CAMTA1: variants seen among roughly 807,000 people sequenced by gnomAD.
The protein encoded by CAMTA1 is calmodulin-binding transcription activator 1.
In CAMTA1, 27 loss-of-function variants were observed where a neutral mutation model predicts 170.9. The observed-to-expected ratio is 0.16, with a 90% CI of 0.12 to 0.22. The LOEUF (loss-of-function observed/expected upper bound fraction) is 0.22, where lower values mean the gene tolerates loss of function less well. Ranked by LOEUF, CAMTA1 falls within the 10% of genes least tolerant of loss-of-function variation. CAMTA1 has a pLI of 1.00. For synonymous variants in CAMTA1, 833 were observed against 891.5 expected, an observed-to-expected ratio of 0.93 and a Z score of 1.17; for missense variants, 1,619 against 2,217.2, an observed-to-expected ratio of 0.73 and a Z score of 5.42.
intron 4 of CAMTA1, among the ~76,000 whole-genome samples, chr1:7,177,083 A>G (rs1332668517): frequency 6.6e-6 from 1 of 151,282 alleles, no homozygotes; most frequent in African/African-American, 2.4e-5. Flanking sequence ...GCTCCTTCCC[A>G]CAGAGGCCCC....
intron 4 of CAMTA1, among the ~76,000 whole-genome samples, chr1:7,125,237 G>A (rs1644864663): frequency 6.6e-6 from 1 of 152,086 alleles, no homozygotes; most frequent in African/African-American, 2.4e-5. Flanking sequence ...CCTCCTCCAC[G>A]TCAGCCTGGG....
rs1191189347 is a variant in CAMTA1, at chr1:7,520,372, T to C, written c.510+52471T>C. Among the ~76,000 whole-genome samples the C allele has an allele frequency of 4.0e-4, 59 of 147,376 alleles. 1 individual carries two copies. Among genetic ancestry groups the C allele is most frequent in the Non-Finnish European group, 7.5e-5 (5 of 66,896 alleles). On this transcript the variant is annotated intron_variant, in intron 6 of 22. Coordinates refer to ENST00000303635, the MANE Select transcript of CAMTA1 (RefSeq NM_015215.4). ...CAACTTGGGGCTGAGAGTTATTCGATGTGTGGACAGGCGCTGGGTTACGGC... is the reference window on the plus strand; with the variant it reads ...CAACTTGGGGCTGAGAGTTATTCGACGTGTGGACAGGCGCTGGGTTACGGC...
chr1:7,447,049 T>A (rs1464697274), intron 5 of CAMTA1, among the ~76,000 whole-genome samples: 1 of 152,038 alleles, frequency 6.6e-6, no homozygotes, highest in African/African-American at 2.4e-5. Context: ...GTGGAGACCG[T>A]CCCGTGCACT....
chr1:7,289,495 A>T (rs564543110), intron 5 of CAMTA1, among the ~76,000 whole-genome samples: 3 of 152,264 alleles, frequency 2.0e-5, no homozygotes, highest in African/African-American at 7.2e-5. Flanking sequence ...CTCATCTATA[A>T]AATGAGATGC....
rs1575155310 is a variant in CAMTA1, at chr1:7,408,091, G to C, written c.439-59739G>C. ...GTCGTGGGTGCTCTCTGTCCCGCCT[G>C]CTCCGTCCAGGAGGCATCTCAGGGA... On this transcript the variant is annotated intron_variant, in intron 5 of 22. Coordinates refer to ENST00000303635, the MANE Select transcript of CAMTA1 (RefSeq NM_015215.4). Among the ~76,000 whole-genome samples the C allele has an allele frequency of 2.6e-5, 4 of 152,160 alleles. No homozygotes were observed. The South Asian group carries it at 8.3e-4, about 32-fold the overall frequency.
Position 7,664,355 on chromosome 1 carries a change from G to A in CAMTA1, c.1808G>A (p.Gly603Asp). 6.2e-7 allele frequency: 1 copy of A among 1,613,660 alleles called. No individual in the cohort carries two copies. ...KDYTSSFSQTGHSPHIHQTPS... is the reference protein window; with the variant it reads ...KDYTSSFSQTDHSPHIHQTPS... The stretch of plus-strand genomic sequence containing the variant: ...TACACGTCCAGCTTCAGCCAGACGG[G>A]CCACAGCCCCCACATCCACCAGACC... Residue 603 changes from glycine (G) to aspartate (D), a missense_variant, in exon 9 of 23, where the codon GGC becomes GAC. This residue lies in a region of CAMTA1 where 731 missense variants were observed against 907.6 expected (regional missense o/e 0.81). Transcript: ENST00000303635.
intron 5 of CAMTA1, among the ~76,000 whole-genome samples, chr1:7,363,065 C>T (rs540305604): frequency 2.6e-5 from 4 of 152,300 alleles, no homozygotes; most frequent in African/African-American, 9.6e-5. Flanking sequence ...AGAAGAAAGA[C>T]ATTGCGGAAG....
intron 5 of CAMTA1, among the ~76,000 whole-genome samples, chr1:7,305,027 G>C (rs529377437): frequency 2.6e-5 from 4 of 151,862 alleles, no homozygotes; most frequent in African/African-American, 7.2e-5. Flanking sequence ...ATGGTAGAAG[G>C]GACAGTGTCA....
intron 3 of CAMTA1, among the ~76,000 whole-genome samples, chr1:7,062,910 C>T (rs74051103): frequency 0.011 from 1,719 of 152,282 alleles, 29 homozygotes; most frequent in African/African-American, 0.038. Context: ...TCTGTTTTCA[C>T]GTGGCCTTCT....
intron 4 of CAMTA1, among the ~76,000 whole-genome samples, chr1:7,091,607 G>C (rs1323519683): frequency 1.3e-5 from 2 of 152,208 alleles, no homozygotes; most frequent in Non-Finnish European, 2.9e-5. Flanking sequence ...TAACCTGACG[G>C]CTGCATCCTT....
chr1:7,540,651 A>C (rs931807634), intron 6 of CAMTA1, among the ~76,000 whole-genome samples: 2 of 152,194 alleles, frequency 1.3e-5, no homozygotes, highest in Non-Finnish European at 2.9e-5. Context: ...TGTCTCAGGG[A>C]CACCAACCTG....
chr1:7,497,482 A>C (rs1355376722), intron 6 of CAMTA1, among the ~76,000 whole-genome samples: 1 of 152,226 alleles, frequency 6.6e-6, no homozygotes, highest in African/African-American at 2.4e-5. Context: ...TGACATCCCC[A>C]GCCCTGCATG....
intron 3 of CAMTA1, among the ~76,000 whole-genome samples, chr1:6,867,673 C>T (rs900118555): frequency 1.8e-4 from 27 of 152,174 alleles, no homozygotes; most frequent in Admixed American, 1.6e-3. Context: ...ATGTAATCCC[C>T]ACTAACTGTA....
Position 7,664,058 on chromosome 1 carries a change from A to G in CAMTA1, c.1511A>G (p.Lys504Arg). The change falls in exon 9 of 23, where the codon AAA becomes AGA. Residue 504 changes from lysine to arginine, a missense_variant. This residue lies in a region of CAMTA1 where 731 missense variants were observed against 907.6 expected (regional missense o/e 0.81). Coordinates refer to ENST00000303635, the MANE Select transcript of CAMTA1 (RefSeq NM_015215.4). ...QGQTYGGGGL[K>R]AEMVSSNIRH... ...CAGACGTACGGGGGTGGAGGCCTGA[A>G]AGCCGAGATGGTCAGCTCCAACATC... is the stretch of plus-strand genomic sequence containing the variant. 1 of 1,613,796 alleles carries G rather than the reference A, an allele frequency of 6.2e-7. No individual in the cohort carries two copies. Among genetic ancestry groups the G allele is most frequent in the Non-Finnish European group, 8.5e-7 (1 of 1,180,040 alleles).
chr1:7,397,425 A>G (rs910604672), intron 5 of CAMTA1, among the ~76,000 whole-genome samples: 1 of 151,904 alleles, frequency 6.6e-6, no homozygotes, highest in Non-Finnish European at 1.5e-5. Flanking sequence ...ATTTTTTTGT[A>G]TCAATATATC....
At chr1:7,136,735 A>C (rs889286095) in intron 4 of CAMTA1, among the ~76,000 whole-genome samples, 1 of 152,158 alleles carries the variant, frequency 6.6e-6, no homozygotes, top group Non-Finnish European at 1.5e-5. Context: ...TTCTCATCTT[A>C]CTGGTCGATG....
chr1:7,680,234 G>A lies in CAMTA1; in HGVS notation c.2914+2501G>A. The A allele has an allele frequency of 3.8e-6, 1 of 262,364 alleles. No individual in the cohort carries two copies. The highest frequency in any genetic ancestry group is 8.3e-6 in the Non-Finnish European group (1 of 120,538). The allele number at this position is 262,364 out of a possible 1,614,324, so 16.3% of individuals were successfully genotyped here. On this transcript the variant is annotated intron_variant, in intron 11 of 22. Transcript: ENST00000303635. This position sits in a 1 kb window ranked among gnomAD's most constrained non-coding sequence, Gnocchi z 4.4. ...GGCGGTGGTGAGCCTTCCGTTCCCC[G>A]CCTGTCCCTCCCGGCCCCTCCCCTC...
Position 7,041,462 on chromosome 1 carries a change from CTT to C in CAMTA1, c.235-49841_235-49840del, listed in dbSNP as rs1225536117. On this transcript the variant is annotated intron_variant, in intron 3 of 22. Transcript: ENST00000303635. This position sits in a 1 kb window ranked among gnomAD's most constrained non-coding sequence, Gnocchi z 5.1. ...TAAGTGAAATTCCTGTTGAGAGTCTCTTAAGCTAGATTTATATCTGATTTTGC... is the reference window on the plus strand; with the variant it reads ...TAAGTGAAATTCCTGTTGAGAGTCTCAAGCTAGATTTATATCTGATTTTGC... Among the ~76,000 whole-genome samples the C allele has an allele frequency of 6.6e-6, 1 of 152,230 alleles. No individual in the cohort carries two copies. Among genetic ancestry groups the C allele is most frequent in the Non-Finnish European group, 1.5e-5 (1 of 68,048 alleles).
rs753015423 is a variant in CAMTA1, at chr1:7,663,950, C to T, written c.1403C>T (p.Thr468Ile). The change falls in exon 9 of 23, where the codon ACC becomes ATC. Residue 468 changes from threonine to isoleucine, a missense_variant. By Grantham distance (89) the Thr-to-Ile change is moderately conservative. Transcript: ENST00000303635. ...TNVSEELVLSTTLDGGRKIPE... is the reference protein window; with the variant it reads ...TNVSEELVLSITLDGGRKIPE... ...GTGTCCGAAGAGCTGGTCCTCTCCA[C>T]CACCCTCGACGGTGGCCGGAAGATT... The T allele has an allele frequency of 1.2e-6, 2 of 1,613,916 alleles. No homozygotes were observed. The highest frequency in any genetic ancestry group is 2.2e-5 in the South Asian group (2 of 91,084).
Sources: allele counts gnomAD v4.1 joint callset (sites outside exome capture counted in the v4.1 genomes callset), GRCh38; gene constraint gnomAD v4.1.1; regional missense constraint gnomAD v4.1.1; non-coding constraint Gnocchi (gnomAD v3.1); transcripts MANE v1.5; gene names NCBI Gene and HGNC (gene_info 2026-07-23, HGNC 2026-07-21).